The following ANKRD6 variants were observed in gnomAD, a reference collection of about 807,000 sequenced individuals.
ANKRD6 encodes ankyrin repeat domain 6, also known as ankyrin repeat domain-containing protein 6.
ANKRD6 carries 56 observed loss-of-function variants against 82.3 expected under a neutral mutation model. That is an observed-to-expected ratio of 0.68 (90% CI 0.55 to 0.85). ANKRD6 has a LOEUF of 0.85. Among genes scored for constraint, ANKRD6 ranks in the 40% least tolerant of loss-of-function variants. ANKRD6 has a pLI of 0.00. For synonymous variants in ANKRD6, 347 were observed against 352.1 expected (o/e 0.99, Z 0.16); for missense variants, 852 against 907.6 (o/e 0.94, Z 0.79).
At chr6:89,535,112 A>C (rs929866998) in intron 1 of ANKRD6, among the ~76,000 whole-genome samples, 1 of 152,204 alleles carries the variant, frequency 6.6e-6, no homozygotes, top group African/African-American at 2.4e-5. Flanking sequence ...ACAAGAGTAA[A>C]GTTCTCATTT....
At chr6:89,497,601 C>G (rs1778780789) in intron 1 of ANKRD6, among the ~76,000 whole-genome samples, 2 of 152,172 alleles carry the variant, frequency 1.3e-5, no homozygotes, top group East Asian at 1.9e-4. Context: ...ACTTTACCTG[C>G]AAGTCTTGTC....
In ANKRD6 at chr6:89,632,368, A is replaced by AAATT. The variant is rs1563203006; in HGVS notation, c.*1366_*1367insTTAA. 1.3e-5 allele frequency: 2 copies of AAATT among 151,702 alleles called. No individual in the cohort carries two copies. Among genetic ancestry groups the AAATT allele is most frequent in the African/African-American group, 4.8e-5 (2 of 41,262 alleles). The allele number at this position is 151,702 out of a possible 1,614,324, so 9.4% of individuals were successfully genotyped here. ...CATAGATATAGACATTCCTAAAAGAAAAATAATTCAGTAGATATATGTCAC... is the reference window on the plus strand; with the variant it reads ...CATAGATATAGACATTCCTAAAAGAAAATTAAATAATTCAGTAGATATATGTCAC... On this transcript the variant is annotated 3_prime_UTR_variant, in exon 16 of 16. Transcript: ENST00000339746.
chr6:89,502,009 A>T (rs143526346), intron 1 of ANKRD6, among the ~76,000 whole-genome samples: 132 of 152,316 alleles, frequency 8.7e-4, no homozygotes, highest in African/African-American at 3.0e-3. Flanking sequence ...GCTGCTGCAG[A>T]TGATTAACAC....
At chr6:89,458,276 A>G (rs938761509) in intron 1 of ANKRD6, among the ~76,000 whole-genome samples, 1 of 152,248 alleles carries the variant, frequency 6.6e-6, no homozygotes, top group Non-Finnish European at 1.5e-5. Flanking sequence ...ACTGTGGAAA[A>G]GTAGAATATA....
chr6:89,629,530 C>T, intron 15 of ANKRD6: 1 of 403,400 alleles, frequency 2.5e-6, no homozygotes, highest in Non-Finnish European at 4.7e-6. Flanking sequence ...GAGTGGACCC[C>T]AAAGATGAGA....
At chr6:89,439,345 A>G (rs1381632338) in intron 1 of ANKRD6, among the ~76,000 whole-genome samples, 1 of 152,206 alleles carries the variant, frequency 6.6e-6, no homozygotes, top group Non-Finnish European at 1.5e-5. Context: ...CCCCCTTCAA[A>G]AAAAAAAGTT....
chr6:89,464,853 C>T (rs1774642300), intron 1 of ANKRD6, among the ~76,000 whole-genome samples: 1 of 152,158 alleles, frequency 6.6e-6, no homozygotes, highest in Non-Finnish European at 1.5e-5. Flanking sequence ...GGGAGTGCTG[C>T]CACATGCGGC....
intron 1 of ANKRD6, among the ~76,000 whole-genome samples, chr6:89,482,623 C>T (rs1213097622): frequency 6.6e-6 from 1 of 152,182 alleles, no homozygotes; most frequent in East Asian, 1.9e-4. Flanking sequence ...CCCACAAATG[C>T]ACAGGGGCCG....
At chr6:89,527,343 C>T (rs909848555) in intron 1 of ANKRD6, among the ~76,000 whole-genome samples, 4 of 151,770 alleles carry the variant, frequency 2.6e-5, no homozygotes. Flanking sequence ...GCCTGTAATC[C>T]CAGCACTTTG....
At chr6:89,476,196 G>GT (rs548888468) in intron 1 of ANKRD6, among the ~76,000 whole-genome samples, 156 of 151,622 alleles carry the variant, frequency 1.0e-3, no homozygotes, top group Non-Finnish European at 1.4e-3. Context: ...GTTTTGTTTT[G>GT]TTTTTTTAAG....
chr6:89,630,614 AC>A lies in ANKRD6; in HGVS notation c.1797del (p.Met600Ter). The A allele has an allele frequency of 6.2e-7, 1 of 1,613,914 alleles. No individual in the cohort carries two copies. Among genetic ancestry groups the A allele is most frequent in the Non-Finnish European group, 8.5e-7 (1 of 1,179,838 alleles). Reference sequence around the variant, plus strand: ...ACGTCAAGGTCCAGACAGCCTTGCTACCCATGAATGAGGCAGCCAGATCTGA... The same window carrying A: ...ACGTCAAGGTCCAGACAGCCTTGCTACCATGAATGAGGCAGCCAGATCTGA... Reference protein sequence around the residue: ...RNVKVQTALLPMNEAARSDQQ... With the variant: ...RNVKVQTALLXMNEAARSDQQ... On this transcript the variant is annotated frameshift_variant, in exon 16 of 16. Coordinates refer to ENST00000339746, the MANE Select transcript of ANKRD6 (RefSeq NM_001242809.2). LOFTEE classifies it high-confidence loss of function.
At chr6:89,445,767 A>G (rs1021542467) in intron 1 of ANKRD6, among the ~76,000 whole-genome samples, 5 of 151,420 alleles carry the variant, frequency 3.3e-5, no homozygotes, top group Admixed American at 6.6e-5. Flanking sequence ...TTTAGTAGAG[A>G]TGGGATTTTT....
intron 1 of ANKRD6, among the ~76,000 whole-genome samples, chr6:89,480,600 C>T (rs114640294): frequency 0.021 from 3,155 of 148,844 alleles, 123 homozygotes; most frequent in African/African-American, 0.073. Flanking sequence ...AAAAGATATC[C>T]TCCTCACTAA....
intron 1 of ANKRD6, among the ~76,000 whole-genome samples, chr6:89,548,114 C>T (rs1240834358): frequency 6.6e-6 from 1 of 152,164 alleles, no homozygotes; most frequent in Non-Finnish European, 1.5e-5. Flanking sequence ...TGTATATTCA[C>T]AAAGATGTCA....
At chr6:89,547,891 C>T (rs1337437361) in intron 1 of ANKRD6, among the ~76,000 whole-genome samples, 1 of 152,030 alleles carries the variant, frequency 6.6e-6, no homozygotes, top group South Asian at 2.1e-4. Flanking sequence ...GTAACCATAT[C>T]AATATTTTTT....
intron 1 of ANKRD6, among the ~76,000 whole-genome samples, chr6:89,522,384 G>C (rs1781993805): frequency 6.6e-6 from 1 of 152,198 alleles, no homozygotes; most frequent in Non-Finnish European, 1.5e-5. Context: ...CAGAGTAAAA[G>C]AGTGTCATAG....
Position 89,606,078 on chromosome 6 carries a change from A to G in ANKRD6, c.390A>G (p.Ala130=), listed in dbSNP as rs769063312. 1.1e-5 allele frequency: 18 copies of G among 1,581,826 alleles called. No homozygotes were observed. The highest frequency in any genetic ancestry group is 3.6e-5 in the Admixed American group (2 of 55,684). Residue 130 remains alanine (A), a synonymous_variant, in exon 5 of 16, where the codon GCA becomes GCG. Coordinates refer to ENST00000339746, the MANE Select transcript of ANKRD6 (RefSeq NM_001242809.2). ...FSQSAKLLIK[A]GANVLAKNKA... Reference sequence around the variant, plus strand: ...AGTCAGCCAAGCTGCTCATTAAAGCAGGAGCCAACGTGCTTGCCAAGAACA... The same window carrying G: ...AGTCAGCCAAGCTGCTCATTAAAGCGGGAGCCAACGTGCTTGCCAAGAACA...
chr6:89,500,719 A>G (rs1406848977), intron 1 of ANKRD6, among the ~76,000 whole-genome samples: 1 of 152,190 alleles, frequency 6.6e-6, no homozygotes, highest in Non-Finnish European at 1.5e-5. Flanking sequence ...AATTGTAAAT[A>G]GCTACAACAA....
intron 2 of ANKRD6, among the ~76,000 whole-genome samples, chr6:89,571,702 C>T (rs1481158951): frequency 6.6e-6 from 1 of 152,150 alleles, no homozygotes; most frequent in Non-Finnish European, 1.5e-5. Context: ...CATGTTTAAC[C>T]TATCCCATTA....
Sources: allele counts gnomAD v4.1 joint callset (sites outside exome capture counted in the v4.1 genomes callset), GRCh38; gene constraint gnomAD v4.1.1; transcripts MANE v1.5; gene names NCBI Gene and HGNC (gene_info 2026-07-23, HGNC 2026-07-21).